The following THRA variants were observed in gnomAD, a reference collection of about 807,000 sequenced individuals.
THRA encodes EAR-7.
THRA carries 13 observed loss-of-function variants against 45.0 expected under a neutral mutation model. The ratio of observed to expected loss-of-function variants is 0.29; its 90% CI spans 0.19 to 0.46. The LOEUF is 0.46. Among genes scored for constraint, THRA ranks in the 20% least tolerant of loss-of-function variants. The pLI, the probability that THRA is intolerant of heterozygous loss-of-function variation, is 1.00. For missense variants in THRA, 278 were observed against 556.1 expected (o/e 0.50, Z 5.03); for synonymous variants, 195 against 214.0 (o/e 0.91, Z 0.78).
chr17:40,072,923 A>G (rs1986828990), intron 1 of THRA, among the ~76,000 whole-genome samples: 1 of 152,148 alleles, frequency 6.6e-6, no homozygotes, highest in Non-Finnish European at 1.5e-5. Flanking sequence ...TCCAGCCCCC[A>G]GTGCCCAGTC....
chr17:40,064,532 T>C (rs979646567), intron 1 of THRA, among the ~76,000 whole-genome samples: 1 of 152,202 alleles, frequency 6.6e-6, no homozygotes, highest in Non-Finnish European at 1.5e-5. Context: ...TCCTGGACTC[T>C]TTACTGTGGA....
Position 40,069,866 on chromosome 17 carries a change from G to C in THRA, c.-297-4326G>C, listed in dbSNP as rs1384186558. On this transcript the variant is annotated intron_variant, in intron 1 of 8. Coordinates refer to ENST00000450525, the MANE Select transcript of THRA (RefSeq NM_199334.5). ...CTGGCTGGAGCTGGCCCGGGCAGGA[G>C]GAGGGAGAGGAGAGCAGCAGGTGGG... Among the ~76,000 whole-genome samples the C allele has an allele frequency of 3.9e-5, 6 of 152,230 alleles. No individual in the cohort carries two copies. The East Asian group carries it at 9.7e-4, about 25-fold the overall frequency.
Position 40,078,009 on chromosome 17 carries a change from T to C in THRA, c.222+401T>C, listed in dbSNP as rs184605129. Among the ~76,000 whole-genome samples the C allele has an allele frequency of 1.1e-3, 165 of 152,332 alleles. 1 individual carries two copies. Among genetic ancestry groups the C allele is most frequent in the East Asian group, 2.1e-3 (11 of 5,188 alleles). On this transcript the variant is annotated intron_variant, in intron 4 of 8. Coordinates refer to ENST00000450525, the MANE Select transcript of THRA (RefSeq NM_199334.5). ...CCTGGTTACTTTCTCTTCTCTTCTCTTATTCATTCATTTACTCATTCATAA... is the reference window on the plus strand; with the variant it reads ...CCTGGTTACTTTCTCTTCTCTTCTCCTATTCATTCATTTACTCATTCATAA...
intron 4 of THRA, among the ~76,000 whole-genome samples, chr17:40,081,896 G>T (rs910623780): frequency 3.9e-5 from 6 of 151,998 alleles, no homozygotes; most frequent in African/African-American, 1.2e-4. Context: ...CTGGGAGGTG[G>T]AGGTTGCAGT....
intron 1 of THRA, among the ~76,000 whole-genome samples, chr17:40,066,780 T>C (rs1046101417): frequency 3.9e-5 from 6 of 152,168 alleles, no homozygotes; most frequent in Non-Finnish European, 5.9e-5. Context: ...ACGGCCATGA[T>C]TGACCTGGAC....
chr17:40,076,871 T>G lies in THRA; in HGVS notation c.54T>G (p.Ser18Arg). The change falls in exon 3 of 9, where the codon AGT (serine) becomes AGG (arginine). Residue 18 changes from serine (S) to arginine (R), a missense_variant and splice_region_variant. Ser to Arg is a moderately radical substitution (Grantham distance 110). This residue lies in a region of THRA where 34 missense variants were observed against 39.7 expected (regional missense o/e 0.86). Transcript: ENST00000450525. ...VECGSDPEEN[S>R]ARSPDGKRKR... ...TTCTGCCCACTTTGCCTCCATCCAG[T>G]GCCAGGTCACCAGATGGAAAGCGAA... is the stretch of plus-strand genomic sequence containing the variant. 1 of 1,614,074 alleles carries G rather than the reference T, an allele frequency of 6.2e-7. No individual in the cohort carries two copies. Among genetic ancestry groups the G allele is most frequent in the Non-Finnish European group, 8.5e-7 (1 of 1,179,974 alleles).
chr17:40,077,684 T>A, intron 4 of THRA, 76 bp downstream of exon 4: 2 of 1,194,636 alleles, frequency 1.7e-6, no homozygotes, highest in South Asian at 2.7e-5. Context: ...AAAGCCCGCC[T>A]GTTAGGTCAT....
Position 40,074,346 on chromosome 17 carries a change from A to C in THRA, c.-143A>C, listed in dbSNP as rs1164800507. 17 of 855,970 alleles carry C rather than the reference A, an allele frequency of 2.0e-5. No individual in the cohort carries two copies. The highest frequency in any genetic ancestry group is 3.0e-5 in the Non-Finnish European group (16 of 533,228). The allele number at this position is 855,970 out of a possible 1,614,324, so 53.0% of individuals were successfully genotyped here. On this transcript the variant is annotated 5_prime_UTR_variant, in exon 2 of 9. Coordinates refer to ENST00000450525, the MANE Select transcript of THRA (RefSeq NM_199334.5). ...GCGCAGGGCATGGTGTGAAAGGCCA[A>C]GTGCTGAGGCGGGTATCATGGGTGC...
At chr17:40,080,451 G>C (rs767366649) in intron 4 of THRA, among the ~76,000 whole-genome samples, 2 of 151,918 alleles carry the variant, frequency 1.3e-5, no homozygotes, top group Non-Finnish European at 2.9e-5. Flanking sequence ...AAAGTTTAAG[G>C]CTTGAAGTTT....
At chr17:40,084,860 G>A (rs747067737) in intron 6 of THRA, 45 bp downstream of exon 6, 5 of 1,603,468 alleles carry the variant, frequency 3.1e-6, no homozygotes, top group Non-Finnish European at 3.4e-6. Context: ...CAGGTGGCAG[G>A]GAGAAGAGAG....
intron 3 of THRA, among the ~76,000 whole-genome samples, 165 bp downstream of exon 3, chr17:40,077,103 A>T (rs899565794): frequency 2.0e-5 from 3 of 152,064 alleles, no homozygotes. Flanking sequence ...GTAATGTGGG[A>T]TGTGCCCAGC....
chr17:40,072,435 G>C (rs1287204457), intron 1 of THRA, among the ~76,000 whole-genome samples: 1 of 152,152 alleles, frequency 6.6e-6, no homozygotes, highest in African/African-American at 2.4e-5. Context: ...TCCGGCTGGC[G>C]AGTGGATTTT....
At chr17:40,068,843 G>C (rs1986664274) in intron 1 of THRA, 1 of 152,318 alleles carries the variant, frequency 6.6e-6, no homozygotes, top group Non-Finnish European at 1.5e-5. Context: ...TGGGGAAACA[G>C]GGGAACCGAG....
chr17:40,071,397 G>A (rs754473351), intron 1 of THRA, among the ~76,000 whole-genome samples: 4 of 152,182 alleles, frequency 2.6e-5, no homozygotes, highest in Non-Finnish European at 4.4e-5. Flanking sequence ...CGGGGCGCCC[G>A]TGGATGCCGC....
In THRA at chr17:40,074,303, C is replaced by T. The variant is rs968415996; in HGVS notation, c.-186C>T. 4 of 641,498 alleles carry T rather than the reference C, an allele frequency of 6.2e-6. No homozygotes were observed. Among genetic ancestry groups the T allele is most frequent in the African/African-American group, 5.5e-5 (3 of 54,776 alleles). The allele number at this position is 641,498 out of a possible 1,614,324, so 39.7% of individuals were successfully genotyped here. ...ACCTGCCACTCCCTGGCCCCTCCCA[C>T]CGCCCGCCCCCCTTGGGGCGCAGGG... On this transcript the variant is annotated 5_prime_UTR_variant, in exon 2 of 9. Coordinates refer to ENST00000450525, the MANE Select transcript of THRA (RefSeq NM_199334.5).
chr17:40,071,769 C>T (rs1200077248), intron 1 of THRA, among the ~76,000 whole-genome samples: 1 of 152,216 alleles, frequency 6.6e-6, no homozygotes, highest in Non-Finnish European at 1.5e-5. Flanking sequence ...CTGTCCGTGG[C>T]TAACACAGGC....
At chr17:40,068,851 G>C (rs1287227941) in intron 1 of THRA, 1 of 152,468 alleles carries the variant, frequency 6.6e-6, no homozygotes, top group African/African-American at 2.4e-5. Flanking sequence ...CAGGGGAACC[G>C]AGGCTTTGGT....
intron 6 of THRA, among the ~76,000 whole-genome samples, 188 bp downstream of exon 6, chr17:40,085,003 C>T (rs1390213921): frequency 6.6e-6 from 1 of 152,206 alleles, no homozygotes; most frequent in Non-Finnish European, 1.5e-5. Flanking sequence ...CTGTCTACTC[C>T]ATCCAACTGG....
In THRA at chr17:40,092,819, C is replaced by T; in HGVS notation, c.*3363C>T. ...CAGCTGTGAACTATTGGATTTGAGACAGGAACAGAACAAATCAGAGGGCCA... is the reference window on the plus strand; with the variant it reads ...CAGCTGTGAACTATTGGATTTGAGATAGGAACAGAACAAATCAGAGGGCCA... On this transcript the variant is annotated 3_prime_UTR_variant, in exon 9 of 9. Coordinates refer to ENST00000450525, the MANE Select transcript of THRA (RefSeq NM_199334.5). The T allele has an allele frequency of 1.3e-6, 1 of 748,664 alleles. No homozygotes were observed. The highest frequency in any genetic ancestry group is 2.9e-5 in the East Asian group (1 of 34,636). The allele number at this position is 748,664 out of a possible 1,614,324, so 46.4% of individuals were successfully genotyped here.
Sources: allele counts gnomAD v4.1 joint callset (sites outside exome capture counted in the v4.1 genomes callset), GRCh38; gene constraint gnomAD v4.1.1; regional missense constraint gnomAD v4.1.1; transcripts MANE v1.5; gene names NCBI Gene and HGNC (gene_info 2026-07-23, HGNC 2026-07-21).